Variants in LYPD6B observed in about 807,000 individuals in gnomAD.
The protein encoded by LYPD6B is ly6/PLAUR domain-containing protein 6B.
LYPD6B carries 17 observed loss-of-function variants against 22.8 expected under a neutral mutation model. That is an observed-to-expected ratio of 0.75 (90% confidence interval 0.51 to 1.12). The LOEUF (loss-of-function observed/expected upper bound fraction) is 1.12. LYPD6B is among the 50% of genes most tolerant of loss of function. The pLI, the probability that LYPD6B is intolerant of heterozygous loss-of-function variation, is 0.00. For synonymous variants in LYPD6B, 106 were observed against 91.6 expected, an observed-to-expected ratio of 1.16 and a Z score of -0.90; for missense variants, 221 against 258.3, an observed-to-expected ratio of 0.86 and a Z score of 0.99.
intron 1 of LYPD6B, among the ~76,000 whole-genome samples, chr2:149,125,685 G>C (rs1047284515): frequency 2.0e-5 from 3 of 152,068 alleles, no homozygotes; most frequent in African/African-American, 7.2e-5. Flanking sequence ...ACTCTCTCTT[G>C]AATTATATGC....
chr2:149,168,678 C>T (rs1171491068), intron 3 of LYPD6B, among the ~76,000 whole-genome samples: 1 of 152,176 alleles, frequency 6.6e-6, no homozygotes, highest in African/African-American at 2.4e-5. Context: ...GTTGTTATTC[C>T]TGGATGGCAG....
intron 1 of LYPD6B, among the ~76,000 whole-genome samples, chr2:149,122,467 T>G (rs1347859656): frequency 6.6e-6 from 1 of 151,904 alleles, no homozygotes; most frequent in Non-Finnish European, 1.5e-5. Context: ...ATGTGCACAA[T>G]GTGCAGGTTT....
Position 149,061,614 on chromosome 2 carries a change from C to T in LYPD6B, c.-67+22813C>T, listed in dbSNP as rs145843743. On this transcript the variant is annotated intron_variant, in intron 1 of 6. Coordinates refer to ENST00000409642, the MANE Select transcript of LYPD6B (RefSeq NM_177964.5). ...TACCTCTCAGTTCTCCTGGATTCCC[C>T]GGGGCTTTGGAGGATGGGGGCAGTG... is the stretch of plus-strand genomic sequence containing the variant. 1.8e-3 allele frequency among the ~76,000 whole-genome samples: 278 copies of T among 152,090 alleles called. 2 individuals carry two copies. The highest frequency in any genetic ancestry group is 6.4e-3 in the African/African-American group (264 of 41,470).
chr2:149,040,667 G>A (rs1484853518), intron 1 of LYPD6B, among the ~76,000 whole-genome samples: 1 of 152,166 alleles, frequency 6.6e-6, no homozygotes, highest in Non-Finnish European at 1.5e-5. Context: ...AGGCATGTCG[G>A]TAGGGGGCGC....
At chr2:149,172,439 C>T (rs1333190018) in intron 3 of LYPD6B, among the ~76,000 whole-genome samples, 2 of 152,058 alleles carry the variant, frequency 1.3e-5, no homozygotes, top group Admixed American at 1.3e-4. Context: ...CCTACCCGAC[C>T]ACATGCGTGG....
At chr2:149,125,317 C>T (rs1476563221) in intron 1 of LYPD6B, among the ~76,000 whole-genome samples, 1 of 152,096 alleles carries the variant, frequency 6.6e-6, no homozygotes, top group Non-Finnish European at 1.5e-5. Flanking sequence ...AAGTAGATTA[C>T]TCTCTAGACA....
intron 1 of LYPD6B, among the ~76,000 whole-genome samples, chr2:149,080,762 A>T (rs1484552627): frequency 6.7e-6 from 1 of 148,942 alleles, no homozygotes; most frequent in Non-Finnish European, 1.5e-5. Flanking sequence ...GAATGGCTTG[A>T]ACCTGGGAGG....
intron 1 of LYPD6B, among the ~76,000 whole-genome samples, chr2:149,084,861 T>G (rs1420267636): frequency 1.3e-5 from 2 of 152,160 alleles, no homozygotes; most frequent in East Asian, 3.9e-4. Context: ...GTGATTCATT[T>G]TGTCTCAAAG....
chr2:149,041,111 A>G (rs1030436013), intron 1 of LYPD6B, among the ~76,000 whole-genome samples: 2 of 152,086 alleles, frequency 1.3e-5, no homozygotes, highest in South Asian at 2.1e-4. Flanking sequence ...AAAAAAAAAA[A>G]AAAAAAAGAA....
At chr2:149,050,428 A>T (rs912405495) in intron 1 of LYPD6B, among the ~76,000 whole-genome samples, 2 of 152,154 alleles carry the variant, frequency 1.3e-5, no homozygotes, top group Non-Finnish European at 2.9e-5. Flanking sequence ...GAAGCCAGAT[A>T]TTACATCATT....
chr2:149,129,935 C>T (rs758932331), intron 1 of LYPD6B, among the ~76,000 whole-genome samples: 5 of 152,144 alleles, frequency 3.3e-5, no homozygotes, highest in Admixed American at 6.5e-5. Context: ...GAGGTATATA[C>T]GCAGGTGCCT....
At chr2:149,060,412 T>C (rs112927259) in intron 1 of LYPD6B, among the ~76,000 whole-genome samples, 2,360 of 152,298 alleles carry the variant, frequency 0.015, 46 homozygotes, top group Admixed American at 0.036. Flanking sequence ...CATACAAAAA[T>C]CTAGTTATCC....
intron 6 of LYPD6B, among the ~76,000 whole-genome samples, chr2:149,213,904 G>T (rs760931654): frequency 2.6e-5 from 4 of 152,198 alleles, no homozygotes; most frequent in Non-Finnish European, 4.4e-5. Flanking sequence ...TGGATGCCTA[G>T]AGTTGATGCC....
chr2:149,107,374 C>T (rs1181482087), intron 1 of LYPD6B, among the ~76,000 whole-genome samples: 1 of 152,126 alleles, frequency 6.6e-6, no homozygotes, highest in African/African-American at 2.4e-5. Context: ...GAACAGCATG[C>T]CATTGAAAAC....
In LYPD6B at chr2:149,111,137, G is replaced by T. The variant is rs141480140; in HGVS notation, c.-66-19746G>T. Among the ~76,000 whole-genome samples, 161 of 152,256 alleles carry T rather than the reference G, an allele frequency of 1.1e-3. 3 individuals carry two copies. The highest frequency in any genetic ancestry group is 9.5e-3 in the Admixed American group (146 of 15,296). ...AAAGTAAGGGAGAGAATAGTAGGAG[G>T]TGAGGTCAGAGGGACCCCCAGGAGG... is the stretch of plus-strand genomic sequence containing the variant. On this transcript the variant is annotated intron_variant, in intron 1 of 6. Coordinates refer to ENST00000409642, the MANE Select transcript of LYPD6B (RefSeq NM_177964.5).
At chr2:149,204,069 A>G (rs1262945316) in intron 3 of LYPD6B, among the ~76,000 whole-genome samples, 1 of 152,196 alleles carries the variant, frequency 6.6e-6, no homozygotes, top group African/African-American at 2.4e-5. Context: ...AGTTCAGCCA[A>G]TATTATTGAA....
At chr2:149,137,868 T>G (rs1272010372) in intron 2 of LYPD6B, among the ~76,000 whole-genome samples, 1 of 152,220 alleles carries the variant, frequency 6.6e-6, no homozygotes, top group Non-Finnish European at 1.5e-5. Context: ...TTTAATACAA[T>G]CTTTCTGGGG....
In LYPD6B at chr2:149,212,975, TG is replaced by T; in HGVS notation, c.329-16del. The T allele has an allele frequency of 6.2e-7, 1 of 1,608,668 alleles. No individual in the cohort carries two copies. Among genetic ancestry groups the T allele is most frequent in the African/African-American group, 1.3e-5 (1 of 74,738 alleles). On this transcript the variant is annotated splice_polypyrimidine_tract_variant and intron_variant, in intron 5 of 6. Transcript: ENST00000409642. ...TACCTTGTTTCTTGGTTTTGTTTTT[TG>T]TTTCCTCTTGCCTAGATACACAGTA...
chr2:149,097,771 A>T (rs1685973916), intron 1 of LYPD6B, among the ~76,000 whole-genome samples: 1 of 152,226 alleles, frequency 6.6e-6, no homozygotes, highest in Admixed American at 6.5e-5. Flanking sequence ...AAAAATCTTA[A>T]ATACATTCAA....
Sources: allele counts gnomAD v4.1 joint callset (sites outside exome capture counted in the v4.1 genomes callset), GRCh38; gene constraint gnomAD v4.1.1; transcripts MANE v1.5; gene names NCBI Gene and HGNC (gene_info 2026-07-23, HGNC 2026-07-21).